The following NEDD4L variants were observed in gnomAD, a reference collection of about 807,000 sequenced individuals.
The protein encoded by NEDD4L is NEDD4 like E3 ubiquitin protein ligase.
NEDD4L carries 54 observed loss-of-function variants against 148.9 expected under a neutral mutation model. That is an observed-to-expected ratio of 0.36 (90% CI 0.29 to 0.45). NEDD4L has a LOEUF of 0.45. Among genes scored for constraint, NEDD4L ranks in the 20% least tolerant of loss-of-function variants. NEDD4L has a pLI of 1.00. For synonymous variants in NEDD4L, 433 were observed against 440.7 expected (o/e 0.98, Z 0.22); for missense variants, 856 against 1,233.8 (o/e 0.69, Z 4.59).
chr18:58,302,204 C>G (rs550263099), intron 5 of NEDD4L, among the ~76,000 whole-genome samples: 1 of 152,208 alleles, frequency 6.6e-6, no homozygotes. Flanking sequence ...CATGTATACA[C>G]ATTGGTGAAT....
intron 2 of NEDD4L, among the ~76,000 whole-genome samples, chr18:58,180,735 A>T (rs1025026172): frequency 6.6e-6 from 1 of 152,254 alleles, no homozygotes; most frequent in Admixed American, 6.5e-5. Flanking sequence ...GTCCTCTGTG[A>T]GTGCCCATCA....
intron 1 of NEDD4L, among the ~76,000 whole-genome samples, chr18:58,051,727 T>C (rs1441654938): frequency 6.6e-6 from 1 of 152,204 alleles, no homozygotes; most frequent in Non-Finnish European, 1.5e-5. Flanking sequence ...TTTGAATAAG[T>C]GGGTCTGTCT....
At chr18:58,161,372 G>A (rs1009432139) in intron 1 of NEDD4L, among the ~76,000 whole-genome samples, 2 of 151,606 alleles carry the variant, frequency 1.3e-5, no homozygotes, top group East Asian at 1.9e-4. Flanking sequence ...GGATGGTGTC[G>A]TTAACGGTGA....
chr18:58,178,777 C>T (rs1398322479), intron 2 of NEDD4L, among the ~76,000 whole-genome samples: 1 of 152,176 alleles, frequency 6.6e-6, no homozygotes, highest in Non-Finnish European at 1.5e-5. Context: ...GCATTTTTAT[C>T]CGTCATTGTT....
chr18:58,192,307 A>G (rs1030586338), intron 2 of NEDD4L, among the ~76,000 whole-genome samples: 4 of 152,248 alleles, frequency 2.6e-5, no homozygotes, highest in African/African-American at 2.4e-5. Context: ...GTTCAAGATC[A>G]GAAATGATTT....
chr18:58,210,465 G>A (rs1314014612), intron 2 of NEDD4L, among the ~76,000 whole-genome samples: 1 of 152,026 alleles, frequency 6.6e-6, no homozygotes, highest in East Asian at 1.9e-4. Context: ...GTTTGTTTTT[G>A]GAGATGGAGT....
intron 2 of NEDD4L, among the ~76,000 whole-genome samples, chr18:58,202,639 A>G (rs903830743): frequency 3.9e-5 from 6 of 152,238 alleles, no homozygotes; most frequent in African/African-American, 1.4e-4. Flanking sequence ...TCCTGTTCAC[A>G]CCAGCCTCCC....
intron 5 of NEDD4L, among the ~76,000 whole-genome samples, chr18:58,280,500 G>T (rs2052881864): frequency 1.3e-5 from 2 of 152,214 alleles, no homozygotes; most frequent in African/African-American, 4.8e-5. Context: ...GCGAAGACCA[G>T]ATGTGGCAGG....
intron 2 of NEDD4L, among the ~76,000 whole-genome samples, chr18:58,204,085 G>T (rs1357915862): frequency 3.3e-5 from 5 of 152,230 alleles, no homozygotes; most frequent in Non-Finnish European, 7.3e-5. Context: ...CCAGCACTTT[G>T]TGAGGCCAAG....
At position 58,335,570 on chromosome 18, in the gene NEDD4L, A is replaced by G. The variant is rs73439430; in HGVS notation, c.1125+33A>G. The G allele has an allele frequency of 6.0e-3, 9,055 of 1,517,472 alleles. 427 individuals are homozygous for G. The African/African-American group carries it at 0.11, about 18-fold the overall frequency. 94.0% of individuals were successfully genotyped at this position (1,517,472 alleles called of 1,614,324 possible). A position where few individuals can be genotyped will look rare whatever the true frequency, so the allele number is the denominator to read the frequency against. On this transcript the variant is annotated intron_variant, in intron 13 of 30. Transcript: ENST00000400345. ...TCCACTTTATCAGACATCAATAGCAAGAGGCCGTGAGGCAGTTTTAATATT... is the reference window on the plus strand; with the variant it reads ...TCCACTTTATCAGACATCAATAGCAGGAGGCCGTGAGGCAGTTTTAATATT...
At chr18:58,218,834 A>G (rs535077768) in intron 2 of NEDD4L, among the ~76,000 whole-genome samples, 1 of 152,156 alleles carries the variant, frequency 6.6e-6, no homozygotes, top group African/African-American at 2.4e-5. Flanking sequence ...CCTGGTGATC[A>G]TGGTGGCAGT....
At chr18:58,104,005 G>A (rs2084923348) in intron 1 of NEDD4L, among the ~76,000 whole-genome samples, 1 of 152,218 alleles carries the variant, frequency 6.6e-6, no homozygotes, top group South Asian at 2.1e-4. Context: ...GCTCCTAGCA[G>A]CACTGTTCAC....
intron 2 of NEDD4L, among the ~76,000 whole-genome samples, chr18:58,236,389 T>C (rs1354834810): frequency 1.3e-5 from 2 of 152,072 alleles, no homozygotes; most frequent in Non-Finnish European, 2.9e-5. Flanking sequence ...TATGAAGTAC[T>C]GGTTGGGTTA....
chr18:58,396,088 C>T (rs1329569384), intron 30 of NEDD4L, 79 bp from the exon 31 acceptor site: 1 of 940,796 alleles, frequency 1.1e-6, no homozygotes, highest in Non-Finnish European at 1.7e-6. Context: ...TATTCTCTTA[C>T]TCAAACCTCA....
intron 5 of NEDD4L, among the ~76,000 whole-genome samples, chr18:58,286,247 G>A (rs901394882): frequency 2.0e-5 from 3 of 152,318 alleles, no homozygotes; most frequent in Non-Finnish European, 4.4e-5. Flanking sequence ...GCCTGTAGAA[G>A]TGCAGTACTA....
At chr18:58,101,162 G>C (rs2084730822) in intron 1 of NEDD4L, among the ~76,000 whole-genome samples, 1 of 152,182 alleles carries the variant, frequency 6.6e-6, no homozygotes, top group Admixed American at 6.5e-5. Flanking sequence ...TTCAAAAAAT[G>C]TCAGCAGGGA....
chr18:58,174,972 G>T (rs2037957416), intron 2 of NEDD4L, among the ~76,000 whole-genome samples: 1 of 152,166 alleles, frequency 6.6e-6, no homozygotes, highest in Admixed American at 6.5e-5. Flanking sequence ...AGAAGCTTCT[G>T]AAAGAGGCTG....
At chr18:58,261,336 T>C (rs1008254529) in intron 5 of NEDD4L, among the ~76,000 whole-genome samples, 5 of 152,240 alleles carry the variant, frequency 3.3e-5, no homozygotes, top group Admixed American at 2.0e-4. Context: ...GTCATTTTGC[T>C]GTAATATTTC....
intron 5 of NEDD4L, among the ~76,000 whole-genome samples, chr18:58,275,805 C>T (rs1444033386): frequency 6.6e-6 from 1 of 152,128 alleles, no homozygotes; most frequent in Non-Finnish European, 1.5e-5. Flanking sequence ...GGCAGGAAAA[C>T]TTAACAAGCA....
Sources: gnomAD v4.1 joint callset for allele counts (sites outside exome capture counted in the v4.1 genomes callset) on GRCh38, gnomAD v4.1.1 for gene constraint, MANE v1.5 for transcripts, NCBI Gene and HGNC (gene_info 2026-07-23, HGNC 2026-07-21) for gene names.